RBM10: variants seen among roughly 807,000 people sequenced by gnomAD.
RBM10 encodes the protein RNA binding motif protein 10.
In RBM10, 1 loss-of-function variant was observed where a neutral mutation model predicts 84.9. That is an observed-to-expected ratio of 0.01 (90% CI 0.00 to 0.06). RBM10 has a LOEUF of 0.06. Among genes scored for constraint, RBM10 ranks in the 10% least tolerant of loss-of-function variants. RBM10 has a pLI of 1.00. For synonymous variants in RBM10, 326 were observed against 344.5 expected (o/e 0.95, Z 0.60); for missense variants, 438 against 839.0 (o/e 0.52, Z 5.90).
intron 2 of RBM10, among the ~76,000 whole-genome samples, chrX:47,152,128 C>T (rs1461215195): frequency 8.9e-6 from 1 of 112,035 alleles, no homozygotes; most frequent in Non-Finnish European, 1.9e-5. Context: ...ATGAGAATCG[C>T]TTGAACCTGG....
At chrX:47,167,441 G>A (rs1408325525) in intron 2 of RBM10, among the ~76,000 whole-genome samples, 7 of 101,669 alleles carry the variant, frequency 6.9e-5, no homozygotes, top group Non-Finnish European at 1.4e-4. Context: ...GTGGCTCACC[G>A]CAGCCTCCGC....
chrX:47,159,428 A>T (rs1933477551), intron 2 of RBM10, among the ~76,000 whole-genome samples: 2 of 108,149 alleles, frequency 1.8e-5, no homozygotes, highest in Non-Finnish European at 1.9e-5. Flanking sequence ...AAAAAAAAAA[A>T]GTGCCGCTTT....
chrX:47,157,281 C>T lies in RBM10; in HGVS notation c.17+9783C>T, dbSNP rs543255445. 529 of 326,462 alleles carry T rather than the reference C, an allele frequency of 1.6e-3. 2 individuals are homozygous for T. The highest frequency in any genetic ancestry group is 3.1e-3 in the Middle Eastern group (4 of 1,271). 26.9% of individuals were successfully genotyped at this position (326,462 alleles called of 1,213,427 possible). The stretch of plus-strand genomic sequence containing the variant: ...CCTCTGGACCACGGTGTAGGACTTG[C>T]TGACCACGAACACCTTGTACAGAAC... On this transcript the variant is annotated intron_variant, in intron 2 of 23. Coordinates refer to ENST00000377604, the MANE Select transcript of RBM10 (RefSeq NM_005676.5).
At position 47,185,624 on chromosome X, in the gene RBM10, C is replaced by G; in HGVS notation, c.2349C>G (p.Leu783=). The G allele has an allele frequency of 8.3e-7, 1 of 1,207,668 alleles. No individual in the cohort carries two copies. The highest frequency in any genetic ancestry group is 1.1e-6 in the Non-Finnish European group (1 of 893,236). Residue 783 remains leucine, a synonymous_variant, in exon 20 of 24, where the codon CTC becomes CTG. Transcript: ENST00000377604. ...TCCGGCACCAGCAGCTCTCAGGGCTCCACAAGGTAACAGCGGATGGTTGGC... is the reference window on the plus strand; with the variant it reads ...TCCGGCACCAGCAGCTCTCAGGGCTGCACAAGGTAACAGCGGATGGTTGGC... The part of the protein sequence containing the change: ...ALIRHQQLSG[L]HKQNLEIHRR...
In RBM10 at chrX:47,185,770, C is replaced by T; in HGVS notation, c.2410C>T (p.Leu804=). The part of the protein sequence containing the change: ...AHLSENELEA[L]EKNDMEQMKY... The stretch of plus-strand genomic sequence containing the variant: ...CTTGTCAGAAAACGAGCTAGAAGCA[C>T]TAGAGAAGAATGACATGGAGGTGAG... The change falls in exon 21 of 24, where the codon CTA becomes TTA. Residue 804 remains leucine, a synonymous_variant. Transcript: ENST00000377604. 4 of 1,211,539 alleles carry T rather than the reference C, an allele frequency of 3.3e-6. No homozygotes were observed. Among genetic ancestry groups the T allele is most frequent in the Non-Finnish European group, 4.5e-6 (4 of 895,287 alleles).
intron 2 of RBM10, among the ~76,000 whole-genome samples, chrX:47,158,487 C>T (rs931511876): frequency 1.8e-5 from 2 of 112,180 alleles, no homozygotes; most frequent in South Asian, 3.7e-4. Context: ...CTGTAACCTC[C>T]GCCTCCCTGG....
chrX:47,177,623 T>G (rs782693824), intron 7 of RBM10, among the ~76,000 whole-genome samples: 14 of 92,692 alleles, frequency 1.5e-4, no homozygotes, highest in African/African-American at 4.8e-4. Flanking sequence ...GGAATTCTCT[T>G]TTTTTTTTTT....
rs189095968 is a variant in RBM10 at position 47,162,503 on chromosome X, A to C, written c.18-6812A>C. On this transcript the variant is annotated intron_variant, in intron 2 of 23. Transcript: ENST00000377604. ...TTTAATATAACTCCAAATAATGTAG[A>C]TACTCCCTCCTCTAGGAGGTAGAGC... is the stretch of plus-strand genomic sequence containing the variant. Among the ~76,000 whole-genome samples, 726 of 111,667 alleles carry C rather than the reference A, an allele frequency of 6.5e-3. 1 individual carries two copies. The highest frequency in any genetic ancestry group is 0.033 in the Middle Eastern group (7 of 215).
intron 2 of RBM10, among the ~76,000 whole-genome samples, chrX:47,158,478 T>C (rs782496987): frequency 2.7e-5 from 3 of 112,135 alleles, no homozygotes; most frequent in African/African-American, 9.7e-5. Flanking sequence ...ATCGGCTCAC[T>C]GTAACCTCCG....
intron 1 of RBM10, among the ~76,000 whole-genome samples, chrX:47,146,708 C>G (rs911546937): frequency 9.0e-6 from 1 of 111,278 alleles, no homozygotes; most frequent in East Asian, 2.8e-4. Context: ...ACCTTAGGAC[C>G]GGGCTGCACA....
At chrX:47,172,771 T>G (rs1213338973) in intron 4 of RBM10, among the ~76,000 whole-genome samples, 1 of 112,402 alleles carries the variant, frequency 8.9e-6, no homozygotes, top group Non-Finnish European at 1.9e-5. Flanking sequence ...GTTTCCTTAC[T>G]TCGTGGCTGC....
At chrX:47,155,364 C>T (rs1298358116) in intron 2 of RBM10, among the ~76,000 whole-genome samples, 1 of 110,446 alleles carries the variant, frequency 9.1e-6, no homozygotes, top group African/African-American at 3.3e-5. Flanking sequence ...TGGATATTTG[C>T]CCCATTTGTT....
Position 47,148,339 on chromosome X carries a change from C to T in RBM10, c.17+841C>T, listed in dbSNP as rs912603582. Among the ~76,000 whole-genome samples the T allele has an allele frequency of 3.6e-5, 4 of 111,727 alleles. No homozygotes were observed. In the East Asian group the frequency reaches 1.1e-3, roughly 31 times the overall value. On this transcript the variant is annotated intron_variant, in intron 2 of 23. Coordinates refer to ENST00000377604, the MANE Select transcript of RBM10 (RefSeq NM_005676.5). ...GACATTTGATTTTGGACGGTATTCACTAGAAGTGCTCTGTGGCCATTTCTG... is the reference window on the plus strand; with the variant it reads ...GACATTTGATTTTGGACGGTATTCATTAGAAGTGCTCTGTGGCCATTTCTG...
intron 2 of RBM10, among the ~76,000 whole-genome samples, chrX:47,164,192 A>G (rs1933988705): frequency 9.0e-6 from 1 of 111,115 alleles, no homozygotes; most frequent in Admixed American, 9.7e-5. Context: ...TATACTTCCA[A>G]AGACACTATC....
At position 47,180,575 on chromosome X, in the gene RBM10, T is replaced by C. The variant is rs782511685; in HGVS notation, c.1248+69T>C. On this transcript the variant is annotated intron_variant, in intron 12 of 23. Coordinates refer to ENST00000377604, the MANE Select transcript of RBM10 (RefSeq NM_005676.5). ...TTTCTCAACCCTCCTGCACCCTCTC[T>C]GAAGCAGGAAGGCTGGCTTGCTATC... 1.4e-4 allele frequency: 170 copies of C among 1,179,950 alleles called. 1 individual carries two copies. The African/African-American group carries it at 2.8e-3, about 20-fold the overall frequency.
rs782417210 is a variant in RBM10 at position 47,180,316 on chromosome X, GC to G, written c.1160+11del. On this transcript the variant is annotated splice_region_variant and intron_variant, in intron 11 of 23. Coordinates refer to ENST00000377604, the MANE Select transcript of RBM10 (RefSeq NM_005676.5). The stretch of plus-strand genomic sequence containing the variant: ...TTGCCAAGGGTTCTAAGAGGTCAGG[GC>G]CCCACCTGTGTGCCTTCCCACCCTT... 1 of 1,188,140 alleles carries G rather than the reference GC, an allele frequency of 8.4e-7. No homozygotes were observed.
rs1212860359 is a variant in RBM10 at position 47,173,122 on chromosome X, G to A, written c.433-6G>A. ...AGCCTGCCCTACTCTGTATCTCCCC[G>A]TATAGATCCGTGGCCAGCTGCAGTC... is the stretch of plus-strand genomic sequence containing the variant. On this transcript the variant is annotated splice_polypyrimidine_tract_variant and splice_region_variant and intron_variant, in intron 4 of 23. Transcript: ENST00000377604. The A allele has an allele frequency of 6.0e-5, 73 of 1,210,866 alleles. No individual in the cohort carries two copies. The highest frequency in any genetic ancestry group is 7.7e-5 in the Non-Finnish European group (69 of 895,388).
intron 3 of RBM10, 90 bp downstream of exon 3, chrX:47,169,588 C>G: frequency 1.0e-6 from 1 of 955,957 alleles, no homozygotes. Context: ...GCAGGCAGCT[C>G]TCCACTCCCG....
intron 2 of RBM10, among the ~76,000 whole-genome samples, chrX:47,163,859 A>T (rs1225901347): frequency 5.0e-5 from 2 of 40,118 alleles, no homozygotes; most frequent in African/African-American, 1.6e-4. Context: ...CGCCTGGCTA[A>T]TTTTTTTTTT....
Sources: gnomAD v4.1 joint callset for allele counts (sites outside exome capture counted in the v4.1 genomes callset) on GRCh38, gnomAD v4.1.1 for gene constraint, MANE v1.5 for transcripts, NCBI Gene and HGNC (gene_info 2026-07-23, HGNC 2026-07-21) for gene names.